FAS: variants seen among roughly 807,000 people sequenced by gnomAD.
The protein encoded by FAS is Fas cell surface death receptor.
A neutral mutation model predicts 33.2 loss-of-function variants in FAS; 5 were observed. That is an observed-to-expected ratio of 0.15 (90% CI 0.08 to 0.32). FAS has a LOEUF of 0.32. Among genes scored for constraint, FAS ranks in the 10% least tolerant of loss-of-function variants. The probability of loss-of-function intolerance (pLI) is 1.00; values close to 1 mark genes in which losing one functional copy is unlikely to be tolerated. For missense variants in FAS, 339 were observed against 386.0 expected, an observed-to-expected ratio of 0.88 and a Z score of 1.02; for synonymous variants, 131 against 130.7, an observed-to-expected ratio of 1.00 and a Z score of -0.01.
upstream of FAS, chr10:88,989,630 G>A (rs1196136692): frequency 3.8e-6 from 2 of 522,082 alleles, no homozygotes; most frequent in Non-Finnish European, 7.6e-6. Flanking sequence ...GCCCTCAGGA[G>A]GGTAACCTAA....
chr10:89,014,679 G>A lies in FAS; in HGVS notation c.*229G>A. On this transcript the variant is annotated 3_prime_UTR_variant, in exon 9 of 9. Transcript: ENST00000652046. ...TCATCAAGAGTAAATGCAGTGGCATGCTAAGTACCCAAATAGGAGTGTATG... is the reference window on the plus strand; with the variant it reads ...TCATCAAGAGTAAATGCAGTGGCATACTAAGTACCCAAATAGGAGTGTATG... 1 of 670,664 alleles carries A rather than the reference G, an allele frequency of 1.5e-6. No homozygotes were observed. The highest frequency in any genetic ancestry group is 2.7e-6 in the Non-Finnish European group (1 of 366,464). The allele number at this position is 670,664 out of a possible 1,614,324, so 41.5% of individuals were successfully genotyped here.
At chr10:88,995,881 A>G (rs925972282) in intron 1 of FAS, among the ~76,000 whole-genome samples, 1 of 152,208 alleles carries the variant, frequency 6.6e-6, no homozygotes, top group Non-Finnish European at 1.5e-5. Flanking sequence ...AGCCTTGTGA[A>G]TTAGCAAATC....
At chr10:88,996,119 G>C (rs1014341203) in intron 1 of FAS, among the ~76,000 whole-genome samples, 5 of 152,194 alleles carry the variant, frequency 3.3e-5, no homozygotes, top group Admixed American at 1.3e-4. Context: ...TATGAGAAAT[G>C]TGAATACTTT....
intron 1 of FAS, among the ~76,000 whole-genome samples, chr10:88,992,816 C>G (rs906819023): frequency 6.6e-6 from 1 of 152,144 alleles, no homozygotes. Context: ...GTTTTGCGCT[C>G]ACGACATGCC....
At chr10:88,998,001 A>G (rs934845481) in intron 1 of FAS, among the ~76,000 whole-genome samples, 1 of 152,218 alleles carries the variant, frequency 6.6e-6, no homozygotes, top group Non-Finnish European at 1.5e-5. Context: ...TCTTGGGCTC[A>G]GCTGTGAGGG....
At chr10:88,988,835 G>T (rs1847001804), upstream of FAS, among the ~76,000 whole-genome samples, 2 of 152,130 alleles carry the variant, frequency 1.3e-5, no homozygotes, top group African/African-American at 4.8e-5. Flanking sequence ...CATACTAAGG[G>T]CCCTGAGAAG....
intron 2 of FAS, among the ~76,000 whole-genome samples, chr10:88,978,901 T>G (rs1307119258): frequency 6.6e-6 from 1 of 151,372 alleles, no homozygotes; most frequent in East Asian, 1.9e-4. Flanking sequence ...ATTATTATTA[T>G]TATATTATTA....
intron 2 of FAS, chr10:88,974,575 C>CAGGA (rs1159057739): frequency 6.6e-6 from 1 of 152,150 alleles, no homozygotes; most frequent in African/African-American, 2.4e-5. Context: ...TGATCTTGAA[C>CAGGA]TCCTGGCCTC....
upstream of FAS, among the ~76,000 whole-genome samples, chr10:88,982,171 T>A (rs114593289): frequency 0.018 from 2,671 of 152,318 alleles, 72 homozygotes; most frequent in African/African-American, 0.061. Flanking sequence ...CCTCAAGTGC[T>A]TGGGCCCATG....
At chr10:89,002,916 A>G (rs1323468734) in intron 1 of FAS, 113 bp from the exon 2 acceptor site, 2 of 1,095,340 alleles carry the variant, frequency 1.8e-6, no homozygotes, top group African/African-American at 1.6e-5. Context: ...GAGCCCTCAC[A>G]TTGTCTTTGC....
intron 2 of FAS, among the ~76,000 whole-genome samples, chr10:88,979,537 G>A (rs1030313936): frequency 6.6e-6 from 1 of 152,102 alleles, no homozygotes; most frequent in African/African-American, 2.4e-5. Context: ...ATGAAGTATG[G>A]GGAAAGAGAA....
In FAS at chr10:89,010,577, G is replaced by A. The variant is rs2133527520; in HGVS notation, c.482G>A (p.Ser161Asn). ...HGIIKECTLT[S>N]NTKCKEEGSR... ...ATCATCAAGGAATGCACACTCACCA[G>A]CAACACCAAGTGCAAAGAGGAAGGT... is the stretch of plus-strand genomic sequence containing the variant. The change falls in exon 5 of 9, where the codon AGC becomes AAC. Residue 161 changes from serine (S) to asparagine (N), a missense_variant. By Grantham distance (46) the Ser-to-Asn change is conservative (BLOSUM62 1). Around this residue, in one of 3 missense-constraint regions of FAS, gnomAD observed 276 missense variants for 300.1 expected, o/e 0.92. Transcript: ENST00000652046. 1 of 1,613,766 alleles carries A rather than the reference G, an allele frequency of 6.2e-7. No individual in the cohort carries two copies. The highest frequency in any genetic ancestry group is 8.5e-7 in the Non-Finnish European group (1 of 1,179,878).
chr10:88,982,476 T>C (rs188302815), upstream of FAS, among the ~76,000 whole-genome samples: 1 of 152,162 alleles, frequency 6.6e-6, no homozygotes, highest in African/African-American at 2.4e-5. Context: ...GCAGAATATG[T>C]GGTACAGAAC....
At chr10:88,976,315 G>A (rs1846562806) in intron 2 of FAS, among the ~76,000 whole-genome samples, 1 of 152,180 alleles carries the variant, frequency 6.6e-6, no homozygotes, top group African/African-American at 2.4e-5. Flanking sequence ...CCGTGGGTTG[G>A]ACAAGGTTGG....
At chr10:88,998,000 C>A (rs750123857) in intron 1 of FAS, among the ~76,000 whole-genome samples, 1 of 152,186 alleles carries the variant, frequency 6.6e-6, no homozygotes, top group Non-Finnish European at 1.5e-5. Flanking sequence ...TTCTTGGGCT[C>A]AGCTGTGAGG....
At chr10:88,981,949 C>T (rs772062215), upstream of FAS, among the ~76,000 whole-genome samples, 2 of 152,152 alleles carry the variant, frequency 1.3e-5, no homozygotes, top group African/African-American at 2.4e-5. Flanking sequence ...CGAGTTACCT[C>T]TATGTGAATC....
intron 1 of FAS, chr10:89,002,623 G>A: frequency 4.1e-6 from 1 of 244,252 alleles, no homozygotes; most frequent in Non-Finnish European, 8.2e-6. Context: ...TTATGTGCCA[G>A]GTTCTGTGCT....
chr10:89,003,559 TCTC>T (rs1157916258), intron 2 of FAS, among the ~76,000 whole-genome samples: 2 of 152,170 alleles, frequency 1.3e-5, no homozygotes, highest in Non-Finnish European at 2.9e-5. Context: ...GCAAGAGACT[TCTC>T]CTCTTAAGGG....
Position 88,965,291 on chromosome 10 carries a change from T to C in FAS, n.95-7891T>C, listed in dbSNP as rs1198506521. Among the ~76,000 whole-genome samples, 4 of 152,242 alleles carry C rather than the reference T, an allele frequency of 2.6e-5. No homozygotes were observed. The East Asian group carries it at 5.8e-4, about 22-fold the overall frequency. ...TTAGGGCACCCTGCCCTTCTACATA[T>C]AGTAGAAACTCAGGAATTTGGTTAA... On this transcript the variant is annotated intron_variant and non_coding_transcript_variant, in intron 1 of 3. Transcript: ENST00000688239.
Sources: allele counts gnomAD v4.1 joint callset (sites outside exome capture counted in the v4.1 genomes callset), GRCh38; gene constraint gnomAD v4.1.1; regional missense constraint gnomAD v4.1.1; transcripts MANE v1.5; gene names NCBI Gene and HGNC (gene_info 2026-07-23, HGNC 2026-07-21).